DOCK3: variants seen among roughly 807,000 people sequenced by gnomAD.
DOCK3 encodes the protein dedicator of cytokinesis protein 3.
In DOCK3, 60 loss-of-function variants were observed where a neutral mutation model predicts 265.6. The observed-to-expected ratio is 0.23, with a 90% confidence interval of 0.18 to 0.28. The LOEUF is 0.28. DOCK3 is among the 10% of genes least tolerant of loss of function. The pLI is 1.00. For missense variants in DOCK3, 1,981 were observed against 2,594.3 expected (o/e 0.76, Z 5.14); for synonymous variants, 881 against 938.0 (o/e 0.94, Z 1.11).
intron 26 of DOCK3, chr3:51,278,388 T>G (rs1396886634): frequency 3.0e-6 from 3 of 985,178 alleles, no homozygotes; most frequent in Non-Finnish European, 3.6e-6. Context: ...TTCTCAGCCC[T>G]GAGGTGGGGA....
At chr3:50,768,733 C>T (rs1039047943) in intron 1 of DOCK3, among the ~76,000 whole-genome samples, 19 of 152,194 alleles carry the variant, frequency 1.2e-4, no homozygotes, top group Non-Finnish European at 2.5e-4. Flanking sequence ...GCAGATATCT[C>T]TGACATCCTG....
At chr3:51,291,996 C>T (rs1317850014) in intron 27 of DOCK3, among the ~76,000 whole-genome samples, 1 of 152,152 alleles carries the variant, frequency 6.6e-6, no homozygotes, top group East Asian at 1.9e-4. Flanking sequence ...AGGAGAAAAA[C>T]ATGATCATCT....
chr3:50,811,115 C>A (rs532593059), intron 2 of DOCK3, among the ~76,000 whole-genome samples: 1 of 152,076 alleles, frequency 6.6e-6, no homozygotes, highest in South Asian at 2.1e-4. Flanking sequence ...AGGTGAGGAC[C>A]AGGTATGGTG....
intron 9 of DOCK3, among the ~76,000 whole-genome samples, chr3:51,093,726 G>A (rs534226307): frequency 3.3e-5 from 5 of 152,266 alleles, no homozygotes; most frequent in South Asian, 2.1e-4. Flanking sequence ...AGTGGTGAGA[G>A]GGCATCCTTG....
At chr3:50,880,478 A>AT (rs1457203283) in intron 3 of DOCK3, 2 of 164,238 alleles carry the variant, frequency 1.2e-5, no homozygotes, top group Admixed American at 6.5e-5. Context: ...ACAAACTACC[A>AT]TCAGAAAACA....
At chr3:51,365,441 A>G (rs1269545366) in intron 49 of DOCK3, among the ~76,000 whole-genome samples, 3 of 152,192 alleles carry the variant, frequency 2.0e-5, no homozygotes, top group East Asian at 1.9e-4. Context: ...AACAGGGACA[A>G]TTTGACTTCC....
At chr3:51,296,513 G>C (rs956027794) in intron 27 of DOCK3, among the ~76,000 whole-genome samples, 1 of 144,288 alleles carries the variant, frequency 6.9e-6, no homozygotes, top group Non-Finnish European at 1.5e-5. Flanking sequence ...GTCTTGCTCT[G>C]TTGCCTGGGC....
At chr3:50,919,715 C>G (rs574939591) in intron 4 of DOCK3, among the ~76,000 whole-genome samples, 5 of 152,166 alleles carry the variant, frequency 3.3e-5, no homozygotes, top group African/African-American at 1.2e-4. Context: ...ATTTGACTTC[C>G]TCTTTTCCTA....
At chr3:50,795,868 A>G (rs1303728051) in intron 2 of DOCK3, among the ~76,000 whole-genome samples, 1 of 152,072 alleles carries the variant, frequency 6.6e-6, no homozygotes, top group Non-Finnish European at 1.5e-5. Context: ...TATACTGGCT[A>G]TTTTGACTTT....
rs532548026 is a variant in DOCK3 at position 51,157,607 on chromosome 3, G to A, written c.829-1637G>A. On this transcript the variant is annotated intron_variant, in intron 10 of 52. Transcript: ENST00000266037. The stretch of plus-strand genomic sequence containing the variant: ...TGTTTAAGGCCATTTAATAGGGCGA[G>A]GCTGGGACTAGGCTAAGGCAAACAA... 2.6e-5 allele frequency among the ~76,000 whole-genome samples: 4 copies of A among 152,200 alleles called. No individual in the cohort carries two copies. The South Asian group carries it at 6.2e-4, about 24-fold the overall frequency.
intron 4 of DOCK3, among the ~76,000 whole-genome samples, chr3:50,926,969 C>G (rs973269200): frequency 6.6e-6 from 1 of 152,116 alleles, no homozygotes; most frequent in Non-Finnish European, 1.5e-5. Context: ...TGCTTAAAAC[C>G]TTCTAGCGAC....
chr3:50,899,236 C>A (rs892016727), intron 4 of DOCK3, among the ~76,000 whole-genome samples: 2 of 152,122 alleles, frequency 1.3e-5, no homozygotes, highest in African/African-American at 4.8e-5. Flanking sequence ...ATGTAATGCC[C>A]TTCTTTGTCT....
At position 51,113,366 on chromosome 3, in the gene DOCK3, A is replaced by G. The variant is rs546164487; in HGVS notation, c.746+22982A>G. 5.9e-5 allele frequency among the ~76,000 whole-genome samples: 9 copies of G among 152,240 alleles called. No individual in the cohort carries two copies. The East Asian group carries it at 1.7e-3, about 29-fold the overall frequency. On this transcript the variant is annotated intron_variant, in intron 9 of 52. Coordinates refer to ENST00000266037, the MANE Select transcript of DOCK3 (RefSeq NM_004947.5). Reference sequence around the variant, plus strand: ...TCAGGACCCCAGTGACTGACCCCACAACAATTCCCCTTCAGTTGCCAAACT... The same window carrying G: ...TCAGGACCCCAGTGACTGACCCCACGACAATTCCCCTTCAGTTGCCAAACT...
chr3:50,827,071 A>C (rs931163376), intron 2 of DOCK3, among the ~76,000 whole-genome samples: 1 of 152,202 alleles, frequency 6.6e-6, no homozygotes, highest in African/African-American at 2.4e-5. Flanking sequence ...GAAATTTCAG[A>C]ATATTGGACC....
In DOCK3 at chr3:50,817,649, C is replaced by T. The variant is rs144497022; in HGVS notation, c.122-24026C>T. 4.6e-5 allele frequency among the ~76,000 whole-genome samples: 7 copies of T among 152,124 alleles called. No individual in the cohort carries two copies. The East Asian group carries it at 7.7e-4, about 17-fold the overall frequency. The stretch of plus-strand genomic sequence containing the variant: ...TCACTATCTAAACGTTATAACTTCT[C>T]GTTCTTGCTTCATGGATGTAAATCT... On this transcript the variant is annotated intron_variant, in intron 2 of 52. Transcript: ENST00000266037.
At chr3:50,729,482 G>A (rs1032922315) in intron 1 of DOCK3, among the ~76,000 whole-genome samples, 1 of 151,736 alleles carries the variant, frequency 6.6e-6, no homozygotes, top group African/African-American at 2.4e-5. Flanking sequence ...CTGGTGCGCT[G>A]CACCCACTAA....
chr3:51,259,303 A>G (rs960589071), intron 22 of DOCK3, among the ~76,000 whole-genome samples: 5 of 152,186 alleles, frequency 3.3e-5, no homozygotes, highest in African/African-American at 1.2e-4. Context: ...TTCCTGTTTT[A>G]TATTTCAAGT....
At chr3:51,191,830 T>G (rs1042013951) in intron 12 of DOCK3, among the ~76,000 whole-genome samples, 5 of 151,806 alleles carry the variant, frequency 3.3e-5, no homozygotes, top group Admixed American at 3.3e-4. Context: ...TTTTATGGGA[T>G]TATTAGCTTG....
chr3:51,338,384 G>C lies in DOCK3; in HGVS notation c.3637G>C (p.Glu1213Gln). The change falls in exon 36 of 53, where the codon GAG becomes CAG. Residue 1213 changes from glutamate to glutamine, a missense_variant. This residue lies in a region of DOCK3 where 1,357 missense variants were observed against 1,866.8 expected (regional missense o/e 0.73). Coordinates refer to ENST00000266037, the MANE Select transcript of DOCK3 (RefSeq NM_004947.5). The stretch of plus-strand genomic sequence containing the variant: ...GGACTGCATGAAAGGAGAGGAAACA[G>C]AGAATAAGAAGATAGGCTGCACTGT... ...YRDCMKGEET[E>Q]NKKIGCTVNL... 1.3e-6 allele frequency: 2 copies of C among 1,551,810 alleles called. No homozygotes were observed. Among genetic ancestry groups the C allele is most frequent in the Non-Finnish European group, 1.7e-6 (2 of 1,147,046 alleles).
Sources: allele counts gnomAD v4.1 joint callset (sites outside exome capture counted in the v4.1 genomes callset), GRCh38; gene constraint gnomAD v4.1.1; regional missense constraint gnomAD v4.1.1; transcripts MANE v1.5; gene names NCBI Gene and HGNC (gene_info 2026-07-23, HGNC 2026-07-21).